Variants in TRPA1 observed in about 807,000 individuals in gnomAD.
The protein encoded by TRPA1 is transient receptor potential cation channel subfamily A member 1, also known as ankyrin-like with transmembrane domains 1.
Under a neutral mutation model 131.3 loss-of-function variants are expected in TRPA1, and 129 were observed. The observed-to-expected ratio is 0.98, with a 90% CI of 0.85 to 1.14. The LOEUF is 1.14. Ranked by LOEUF, TRPA1 falls within the 50% of genes most tolerant of loss-of-function variation. TRPA1 has a pLI of 0.00. For missense variants in TRPA1, 1,304 were observed against 1,354.2 expected, an observed-to-expected ratio of 0.96 and a Z score of 0.58; for synonymous variants, 441 against 451.7, an observed-to-expected ratio of 0.98 and a Z score of 0.30.
At chr8:72,061,835 CT>C in intron 6 of TRPA1, 74 bp from the exon 7 acceptor site, 1 of 1,495,050 alleles carries the variant, frequency 6.7e-7, no homozygotes, top group Non-Finnish European at 9.3e-7. Context: ...CAGCTGTGAG[CT>C]TTTTCTTCCC....
chr8:72,076,931 A>G (rs1411783356), upstream of TRPA1, among the ~76,000 whole-genome samples: 2 of 152,110 alleles, frequency 1.3e-5, no homozygotes, highest in African/African-American at 4.8e-5. Context: ...ACAACTTGCT[A>G]TGATTTAGTT....
chr8:72,027,724 G>T lies in TRPA1; in HGVS notation c.2938-1651C>A, dbSNP rs532417490. 2.1e-3 allele frequency among the ~76,000 whole-genome samples: 324 copies of T among 152,252 alleles called. 1 individual carries two copies. The highest frequency in any genetic ancestry group is 7.6e-3 in the African/African-American group (314 of 41,552). On this transcript the variant is annotated intron_variant, in intron 24 of 26. Transcript: ENST00000262209. ...CTTGTCCAGTTCTGCTCACAGTTCTGCCATGGGCTCAGACATAGGTTTCAG... is the reference window on the plus strand; with the variant it reads ...CTTGTCCAGTTCTGCTCACAGTTCTTCCATGGGCTCAGACATAGGTTTCAG...
Position 72,052,635 on chromosome 8 carries a change from C to T in TRPA1, c.1775G>A (p.Arg592Lys), listed in dbSNP as rs1805539271. 6.2e-7 allele frequency: 1 copy of T among 1,613,576 alleles called. No individual in the cohort carries two copies. The highest frequency in any genetic ancestry group is 1.3e-5 in the African/African-American group (1 of 74,852). ...SFLHLALHNKRKEVVLTIIRS... is the reference protein window; with the variant it reads ...SFLHLALHNKKKEVVLTIIRS... ...GATGATCGTAAGAACAACCTCCTTC[C>T]TCTTATTGTGAAGTGCAAGGTGCAA... Residue 592 changes from arginine to lysine, a missense_variant, in exon 14 of 27, where the codon AGG becomes AAG. Arg to Lys is a conservative substitution (Grantham distance 26). Transcript: ENST00000262209.
At chr8:72,043,091 C>A (rs1055263866) in intron 17 of TRPA1, among the ~76,000 whole-genome samples, 8 of 151,644 alleles carry the variant, frequency 5.3e-5, no homozygotes, top group Non-Finnish European at 3.0e-5. Flanking sequence ...GAAGAAATAC[C>A]CAGACAAATT....
At chr8:72,047,259 G>A in intron 15 of TRPA1, 52 bp from the exon 16 acceptor site, 1 of 1,325,674 alleles carries the variant, frequency 7.5e-7, no homozygotes. Context: ...CTACATATTA[G>A]GAAAGATTTT....
Position 72,029,979 on chromosome 8 carries a change from G to A in TRPA1, c.2869-10C>T. The A allele has an allele frequency of 6.2e-7, 1 of 1,612,542 alleles. No homozygotes were observed. On this transcript the variant is annotated splice_polypyrimidine_tract_variant and intron_variant, in intron 23 of 26. Transcript: ENST00000262209. ...CAACTGCCAAACCAATCTGAAGTAT[G>A]ACACAAAATTAAATCACTACAGTTG...
intron 3 of TRPA1, among the ~76,000 whole-genome samples, chr8:72,067,064 A>AC (rs1805948504): frequency 1.3e-5 from 2 of 152,204 alleles, no homozygotes; most frequent in African/African-American, 2.4e-5. Context: ...TATTATGCAT[A>AC]CCATAAATCA....
In TRPA1 at chr8:72,055,507, G is replaced by A. The variant is rs1216286207; in HGVS notation, c.1458C>T (p.Leu486=). 1 of 1,613,238 alleles carries A rather than the reference G, an allele frequency of 6.2e-7. No homozygotes were observed. The highest frequency in any genetic ancestry group is 1.1e-5 in the South Asian group (1 of 91,062). The change falls in exon 12 of 27, where the codon CTC becomes CTT. Residue 486 remains leucine, a synonymous_variant. Coordinates refer to ENST00000262209, the MANE Select transcript of TRPA1 (RefSeq NM_007332.3). ...NEGDLHGMTP[L]HLAAKNGHDK... ...CATGTCCATTCTTTGCTGCCAGATG[G>A]AGAGGAGTCATTCCATGAAGGTCAC...
At chr8:72,053,267 C>A in intron 13 of TRPA1, 1 of 199,956 alleles carries the variant, frequency 5.0e-6, no homozygotes, top group Non-Finnish European at 1.0e-5. Context: ...TTAGTTTCTC[C>A]ACTTAAAGAC....
At position 72,065,452 on chromosome 8, in the gene TRPA1, A is replaced by T. The variant is rs1207823491; in HGVS notation, c.551T>A (p.Leu184Ter). The T allele has an allele frequency of 2.5e-6, 4 of 1,612,184 alleles. No individual in the cohort carries two copies. The East Asian group carries it at 6.7e-5, about 27-fold the overall frequency. Residue 184 changes from leucine to a stop codon, truncating the protein, a stop_gained and splice_region_variant, in exon 4 of 27, where the codon TTG becomes TAG. Transcript: ENST00000262209. LOFTEE classifies it high-confidence loss of function. ...TTNNSEALQI[L>*]LKKGAKPCKS... is the part of the protein sequence containing the mutation. Reference sequence around the variant, plus strand: ...GACAGATATGACAAATATACAAACCAAAATCTGCAATGCTTCGCTATTATT... The same window carrying T: ...GACAGATATGACAAATATACAAACCTAAATCTGCAATGCTTCGCTATTATT...
intron 4 of TRPA1, 109 bp from the exon 5 acceptor site, chr8:72,063,680 T>TA: frequency 1.4e-6 from 1 of 730,686 alleles, no homozygotes; most frequent in Non-Finnish European, 2.4e-6. Context: ...TATGTCTATG[T>TA]AAAAGTACAT....
intron 9 of TRPA1, among the ~76,000 whole-genome samples, chr8:72,057,406 C>A (rs1038504487): frequency 6.6e-6 from 1 of 152,174 alleles, no homozygotes; most frequent in African/African-American, 2.4e-5. Context: ...AGTACCTACA[C>A]CACACAGGAC....
chr8:72,063,379 CAAAAGA>C, intron 5 of TRPA1, 78 bp downstream of exon 5: 1 of 962,360 alleles, frequency 1.0e-6, no homozygotes, highest in Non-Finnish European at 1.5e-6. Flanking sequence ...GACTCCATCT[CAAAAGA>C]AAAAAAAAAA....
intron 26 of TRPA1, 172 bp from the exon 27 acceptor site, chr8:72,023,288 A>AT: frequency 2.7e-6 from 2 of 735,812 alleles, no homozygotes; most frequent in South Asian, 1.7e-5. Flanking sequence ...AGTTTAAATG[A>AT]TTTTTCCCAA....
the TRPA1 span, among the ~76,000 whole-genome samples, chr8:72,086,140 A>T: frequency 9.9e-5 from 15 of 152,054 alleles, no homozygotes; most frequent in Non-Finnish European, 1.9e-4. Context: ...TGATCTCGTG[A>T]TCCACCCGCC....
the TRPA1 span, among the ~76,000 whole-genome samples, chr8:72,083,280 C>T: frequency 6.6e-6 from 1 of 152,160 alleles, no homozygotes; most frequent in Non-Finnish European, 1.5e-5. Context: ...CTAAATCTAA[C>T]ATCTATACTC....
intron 24 of TRPA1, among the ~76,000 whole-genome samples, chr8:72,029,252 G>C (rs1367018126): frequency 6.6e-6 from 1 of 152,270 alleles, no homozygotes; most frequent in African/African-American, 2.4e-5. Context: ...AAAATATAAG[G>C]AGCTCCTTTG....
Position 72,021,603 on chromosome 8 carries a change from C to T in TRPA1, c.*1303G>A, listed in dbSNP as rs1006926616. 1.5e-4 allele frequency: 23 copies of T among 151,188 alleles called. No homozygotes were observed. Among genetic ancestry groups the T allele is most frequent in the Admixed American group, 1.4e-3 (21 of 15,180 alleles). The allele number at this position is 151,188 out of a possible 1,614,324, so 9.4% of individuals were successfully genotyped here. Reference sequence around the variant, plus strand: ...ATAGTACATATCGTCCCTCAGCACTCTGCTGGTTTGTATGAACATCAGTAT... The same window carrying T: ...ATAGTACATATCGTCCCTCAGCACTTTGCTGGTTTGTATGAACATCAGTAT... On this transcript the variant is annotated 3_prime_UTR_variant, in exon 27 of 27. Coordinates refer to ENST00000262209, the MANE Select transcript of TRPA1 (RefSeq NM_007332.3).
the TRPA1 span, among the ~76,000 whole-genome samples, chr8:72,081,658 C>T: frequency 1.6e-4 from 24 of 151,870 alleles, 1 homozygote; most frequent in Middle Eastern, 0.01. Context: ...GATTTATACT[C>T]CATTGAGCGA....
Sources: gnomAD v4.1 joint callset for allele counts (sites outside exome capture counted in the v4.1 genomes callset) on GRCh38, gnomAD v4.1.1 for gene constraint, MANE v1.5 for transcripts, NCBI Gene and HGNC (gene_info 2026-07-23, HGNC 2026-07-21) for gene names.